ZNF444: variants seen among roughly 807,000 people sequenced by gnomAD.
The protein encoded by ZNF444 is zinc finger protein 444, also known as endothelial zinc finger protein 2.
Under a neutral mutation model 14.4 loss-of-function variants are expected in ZNF444, and 8 were observed. The observed-to-expected ratio is 0.56, with a 90% CI of 0.33 to 1.00. ZNF444 has a LOEUF of 1.00. Among genes scored for constraint, ZNF444 ranks in the 50% least tolerant of loss-of-function variants. ZNF444 has a pLI of 0.03. For synonymous variants in ZNF444, 258 were observed against 235.9 expected (o/e 1.09, Z -0.86); for missense variants, 510 against 504.8 (o/e 1.01, Z -0.10).
At chr19:56,142,446 G>T (rs149027166) in intron 1 of ZNF444, 2 of 152,340 alleles carry the variant, frequency 1.3e-5, no homozygotes, top group Non-Finnish European at 2.9e-5. Flanking sequence ...TCCCCCAGGG[G>T]ACATGTGGCA....
chr19:56,138,526 G>A (rs986801597), upstream of ZNF444, among the ~76,000 whole-genome samples: 3 of 152,058 alleles, frequency 2.0e-5, no homozygotes, highest in Non-Finnish European at 4.4e-5. Context: ...TCAGCTACTC[G>A]GGAGGCCAAT....
intron 1 of ZNF444, among the ~76,000 whole-genome samples, chr19:56,133,908 A>G (rs1183666928): frequency 1.3e-5 from 2 of 151,968 alleles, no homozygotes; most frequent in Admixed American, 6.6e-5. Context: ...GTGATCCATC[A>G]TTAAGCAATT....
chr19:56,154,653 C>A (rs1391830776), intron 3 of ZNF444: 1 of 150,778 alleles, frequency 6.6e-6, no homozygotes, highest in Non-Finnish European at 1.5e-5. Context: ...CAGCCAGTCT[C>A]ATGGGACCCT....
intron 3 of ZNF444, chr19:56,154,225 A>T (rs2123528626): frequency 6.6e-6 from 1 of 152,318 alleles, no homozygotes. Flanking sequence ...GTGATGAAAG[A>T]CCTTCGCGTA....
intron 1 of ZNF444, among the ~76,000 whole-genome samples, chr19:56,134,587 G>A (rs1045976511): frequency 6.6e-5 from 10 of 152,154 alleles, no homozygotes; most frequent in Non-Finnish European, 2.9e-5. Context: ...CTGGAGGAGG[G>A]GACGTCTGAT....
At chr19:56,132,892 C>G (rs545553382) in intron 1 of ZNF444, 2 of 151,180 alleles carry the variant, frequency 1.3e-5, no homozygotes, top group East Asian at 3.9e-4. Context: ...GTGGACACCT[C>G]AGAATGCCCT....
chr19:56,146,682 A>T (rs1452842342), intron 2 of ZNF444, among the ~76,000 whole-genome samples: 1 of 152,180 alleles, frequency 6.6e-6, no homozygotes, highest in Non-Finnish European at 1.5e-5. Context: ...CCCGCTACTC[A>T]GGAAGCCAAG....
chr19:56,132,935 C>CTTTTTTTTTTTTTTTTTTTTTTTTTT (rs61365745), intron 1 of ZNF444, among the ~76,000 whole-genome samples: 2 of 94,296 alleles, frequency 2.1e-5, no homozygotes, highest in Non-Finnish European at 3.8e-5. Flanking sequence ...TTCTTTCTTT[C>CTTTTTTTTTTTTTTTTTTTTTTTTTT]TTTTTTTTTT....
chr19:56,160,331 T>C lies in ZNF444; in HGVS notation c.*130T>C. The C allele has an allele frequency of 1.4e-6, 1 of 704,972 alleles. No homozygotes were observed. The highest frequency in any genetic ancestry group is 2.1e-6 in the Non-Finnish European group (1 of 467,442). 43.7% of individuals were successfully genotyped at this position (704,972 alleles called of 1,614,324 possible). A position where few individuals can be genotyped will look rare whatever the true frequency, so the allele number is the denominator to read the frequency against. ...CGTCCTCCTCCACCTGCGCCTCCCT[T>C]GTCTGAACTTCCCAACGCCTTCCTA... On this transcript the variant is annotated 3_prime_UTR_variant, in exon 5 of 5. Transcript: ENST00000337080.
Position 56,160,206 on chromosome 19 carries a change from C to T in ZNF444, c.*5C>T, listed in dbSNP as rs1196264789. ...CCGCCCTGGCCCTTGGGTTAGCCGC[C>T]TCCCGGCCAGCGCCATCTCCCGCCC... On this transcript the variant is annotated 3_prime_UTR_variant, in exon 5 of 5. Coordinates refer to ENST00000337080, the MANE Select transcript of ZNF444 (RefSeq NM_018337.4). 2.8e-6 allele frequency: 4 copies of T among 1,437,046 alleles called. No homozygotes were observed. The highest frequency in any genetic ancestry group is 3.0e-5 in the African/African-American group (2 of 66,552). 89.0% of individuals were successfully genotyped at this position (1,437,046 alleles called of 1,614,324 possible).
chr19:56,151,591 C>T (rs201160118), intron 3 of ZNF444: 4,376 of 352,298 alleles, frequency 0.012, 14 homozygotes, highest in Non-Finnish European at 0.02. Flanking sequence ...AGACAGCTGA[C>T]ATCTGGGGGC....
upstream of ZNF444, among the ~76,000 whole-genome samples, chr19:56,138,187 A>G (rs2030654511): frequency 6.6e-6 from 1 of 152,210 alleles, no homozygotes; most frequent in Admixed American, 6.5e-5. Context: ...GCAACAGAAT[A>G]TTAGGCAATC....
upstream of ZNF444, among the ~76,000 whole-genome samples, chr19:56,139,841 G>A (rs575709688): frequency 2.0e-5 from 3 of 152,182 alleles, no homozygotes; most frequent in African/African-American, 4.8e-5. Context: ...TTCGCAAGGT[G>A]GGGGAGAGAG....
upstream of ZNF444, among the ~76,000 whole-genome samples, chr19:56,139,979 T>C (rs969242472): frequency 3.9e-5 from 6 of 152,158 alleles, no homozygotes; most frequent in Admixed American, 2.6e-4. Flanking sequence ...AAAGGAGGCA[T>C]GACTGGAACT....
intron 1 of ZNF444, chr19:56,143,455 T>G (rs2030963049): frequency 6.6e-6 from 1 of 152,260 alleles, no homozygotes; most frequent in African/African-American, 2.4e-5. Context: ...GGCCTGGGTC[T>G]TCCGATAAGT....
intron 3 of ZNF444, chr19:56,154,793 A>T (rs1432746602): frequency 6.6e-6 from 1 of 152,232 alleles, no homozygotes; most frequent in Non-Finnish European, 1.5e-5. Context: ...CAGCAGCTTG[A>T]TCCCACAGTG....
In ZNF444 at chr19:56,145,609, T is replaced by A. The variant is rs950470156; in HGVS notation, c.-196-638T>A. ...TCAAAACAAAAATTAAAAAAAAAAA[T>A]AGAGACAGGAGAGCTCGCTGCCTCT... On this transcript the variant is annotated intron_variant, in intron 1 of 4. Transcript: ENST00000337080. This position sits in a 1 kb window ranked among gnomAD's most constrained non-coding sequence, Gnocchi z 4.3. 6.7e-6 allele frequency among the ~76,000 whole-genome samples: 1 copy of A among 148,772 alleles called. No individual in the cohort carries two copies. Among genetic ancestry groups the A allele is most frequent in the Non-Finnish European group, 1.5e-5 (1 of 67,312 alleles).
rs1414413225 is a variant in ZNF444, at chr19:56,146,250, AGG to A, written c.-192_-191del. The A allele has an allele frequency of 1.3e-5, 2 of 152,714 alleles. No individual in the cohort carries two copies. Among genetic ancestry groups the A allele is most frequent in the East Asian group, 3.8e-4 (2 of 5,196 alleles). The allele number at this position is 152,714 out of a possible 1,614,324, so 9.5% of individuals were successfully genotyped here. On this transcript the variant is annotated 5_prime_UTR_variant, in exon 2 of 5. Coordinates refer to ENST00000337080, the MANE Select transcript of ZNF444 (RefSeq NM_018337.4). Reference sequence around the variant, plus strand: ...TGTTTTCTGGTTGAATCCTCAGGACAGGCTGCGGGAGGAGCTGCAGGACTGAG... The same window carrying A: ...TGTTTTCTGGTTGAATCCTCAGGACACTGCGGGAGGAGCTGCAGGACTGAG...
At chr19:56,149,020 T>A (rs1177194903) in intron 3 of ZNF444, among the ~76,000 whole-genome samples, 1 of 151,594 alleles carries the variant, frequency 6.6e-6, no homozygotes, top group Non-Finnish European at 1.5e-5. Context: ...CGACCTCTGC[T>A]TCCATCCCCC....
Sources: allele counts gnomAD v4.1 joint callset (sites outside exome capture counted in the v4.1 genomes callset), GRCh38; gene constraint gnomAD v4.1.1; non-coding constraint Gnocchi (gnomAD v3.1); transcripts MANE v1.5; gene names NCBI Gene and HGNC (gene_info 2026-07-23, HGNC 2026-07-21).